The following ZKSCAN5 variants were observed in gnomAD, a reference collection of about 807,000 sequenced individuals.
ZKSCAN5 encodes the protein zinc finger protein with KRAB and SCAN domains 5.
Under a neutral mutation model 60.0 loss-of-function variants are expected in ZKSCAN5, and 28 were observed. The ratio of observed to expected loss-of-function variants is 0.47; its 90% confidence interval spans 0.35 to 0.64. The LOEUF (loss-of-function observed/expected upper bound fraction) is 0.64. ZKSCAN5 is among the 30% of genes least tolerant of loss of function. The pLI is 0.01. For synonymous variants in ZKSCAN5, 361 were observed against 371.2 expected, an observed-to-expected ratio of 0.97 and a Z score of 0.31; for missense variants, 881 against 1,034.6, an observed-to-expected ratio of 0.85 and a Z score of 2.04.
At chr7:99,512,089 C>G (rs896963031) in intron 2 of ZKSCAN5, among the ~76,000 whole-genome samples, 3 of 152,104 alleles carry the variant, frequency 2.0e-5, no homozygotes, top group Non-Finnish European at 4.4e-5. Flanking sequence ...ACCCCGTGCG[C>G]CCAGCCCTTC....
At chr7:99,521,798 A>G (rs116894721) in intron 5 of ZKSCAN5, among the ~76,000 whole-genome samples, 1 of 152,086 alleles carries the variant, frequency 6.6e-6, no homozygotes, top group East Asian at 1.9e-4. Flanking sequence ...TTTTATGATT[A>G]TTGATTTTTC....
chr7:99,525,480 C>A (rs911283695), intron 5 of ZKSCAN5, among the ~76,000 whole-genome samples: 1 of 151,988 alleles, frequency 6.6e-6, no homozygotes, highest in African/African-American at 2.4e-5. Context: ...TCAAAACACA[C>A]ACATACACGC....
chr7:99,507,777 G>T (rs2151093455), intron 2 of ZKSCAN5, among the ~76,000 whole-genome samples: 1 of 151,736 alleles, frequency 6.6e-6, no homozygotes, highest in Non-Finnish European at 1.5e-5. Flanking sequence ...GTGGTGGCAT[G>T]CACTTATACT....
intron 2 of ZKSCAN5, among the ~76,000 whole-genome samples, chr7:99,510,123 G>A (rs753553720): frequency 9.9e-5 from 15 of 151,996 alleles, no homozygotes; most frequent in Non-Finnish European, 1.6e-4. Context: ...TTTTGTAGAT[G>A]AGGTCTTGCC....
At chr7:99,518,512 CA>C (rs1355785056) in intron 3 of ZKSCAN5, among the ~76,000 whole-genome samples, 1 of 151,932 alleles carries the variant, frequency 6.6e-6, no homozygotes, top group Admixed American at 6.6e-5. Flanking sequence ...TCAGAATCTG[CA>C]AGTACCAAGA....
At chr7:99,525,621 T>A (rs544330596) in intron 5 of ZKSCAN5, among the ~76,000 whole-genome samples, 192 bp from the exon 6 acceptor site, 1 of 152,174 alleles carries the variant, frequency 6.6e-6, no homozygotes, top group South Asian at 2.1e-4. Context: ...GAACATTTTT[T>A]GCCAGCTCTT....
In ZKSCAN5 at chr7:99,508,535, T is replaced by G. The variant is rs375508304; in HGVS notation, c.414+2077T>G. Among the ~76,000 whole-genome samples the G allele has an allele frequency of 1.6e-4, 25 of 151,666 alleles. No homozygotes were observed. In the East Asian group the frequency reaches 2.8e-3, roughly 17 times the overall value. The stretch of plus-strand genomic sequence containing the variant: ...TTGGGAGGCTGAGGCGGGTGGATCA[T>G]GGGGTCAGATCAAGACCATCCGGGC... On this transcript the variant is annotated intron_variant, in intron 2 of 6. Transcript: ENST00000326775.
chr7:99,522,937 G>A (rs1801606496), intron 5 of ZKSCAN5, among the ~76,000 whole-genome samples: 1 of 151,276 alleles, frequency 6.6e-6, no homozygotes, highest in African/African-American at 2.4e-5. Context: ...GGCTGAGGTG[G>A]GCAGATCACT....
chr7:99,508,815 C>T (rs926467131), intron 2 of ZKSCAN5, among the ~76,000 whole-genome samples: 2 of 126,748 alleles, frequency 1.6e-5, no homozygotes, highest in African/African-American at 2.9e-5. Flanking sequence ...TTCTTTCTTT[C>T]TTTTTTTTTT....
intron 6 of ZKSCAN5, among the ~76,000 whole-genome samples, chr7:99,529,217 T>A (rs780120760): frequency 6.6e-6 from 1 of 152,206 alleles, no homozygotes; most frequent in Non-Finnish European, 1.5e-5. Context: ...CTCAACTCAC[T>A]GCAGCTTCTG....
Position 99,531,274 on chromosome 7 carries a change from A to T in ZKSCAN5, c.1545A>T (p.Gly515=), listed in dbSNP as rs770695045. The T allele has an allele frequency of 6.2e-6, 10 of 1,614,168 alleles. No homozygotes were observed. The South Asian group carries it at 9.9e-5, about 16-fold the overall frequency. Residue 515 remains glycine (G), a synonymous_variant, in exon 7 of 7, where the codon GGA becomes GGT. Transcript: ENST00000326775. ...EFQGKLDRKQ[G]IPMKEILGQP... ...AAGGCAAGCTGGATAGAAAGCAGGG[A>T]ATTCCCATGAAAGAGATACTAGGAC...
chr7:99,526,210 C>G lies in ZKSCAN5; in HGVS notation c.1170C>G (p.Thr390=), dbSNP rs921349404. ...GKSYNQRVHL[T]QHQRVHTGEK... The stretch of plus-strand genomic sequence containing the variant: ...GCTACAATCAGCGGGTGCACCTCAC[C>G]CAGCACCAGCGCGTCCACACAGGGG... Residue 390 remains threonine, a synonymous_variant, in exon 6 of 7, where the codon ACC becomes ACG. Coordinates refer to ENST00000326775, the MANE Select transcript of ZKSCAN5 (RefSeq NM_145102.4). The G allele has an allele frequency of 6.2e-7, 1 of 1,614,144 alleles. No homozygotes were observed. The highest frequency in any genetic ancestry group is 2.2e-5 in the East Asian group (1 of 44,876).
At chr7:99,525,131 A>G (rs1333910068) in intron 5 of ZKSCAN5, among the ~76,000 whole-genome samples, 1 of 150,398 alleles carries the variant, frequency 6.6e-6, no homozygotes, top group Non-Finnish European at 1.5e-5. Flanking sequence ...GCGCCACTGC[A>G]CTCCAGCCTG....
Position 99,526,261 on chromosome 7 carries a change from C to T in ZKSCAN5, c.1221C>T (p.Cys407=), listed in dbSNP as rs758511690. The T allele has an allele frequency of 6.8e-6, 11 of 1,613,732 alleles. No homozygotes were observed. The Admixed American group carries it at 8.3e-5, about 12-fold the overall frequency. ...AGAAACCCTACAAATGTCAGGTGTG[C>T]GGAAAGGCTTTCCGGGTGAGTTCCC... The part of the protein sequence containing the change: ...TGEKPYKCQV[C]GKAFRVSSHL... Residue 407 remains cysteine, a synonymous_variant, in exon 6 of 7, where the codon TGC becomes TGT. Coordinates refer to ENST00000326775, the MANE Select transcript of ZKSCAN5 (RefSeq NM_145102.4).
chr7:99,533,374 A>C lies in ZKSCAN5; in HGVS notation c.*1125A>C, dbSNP rs1390094375. The C allele has an allele frequency of 1.7e-6, 1 of 589,550 alleles. No individual in the cohort carries two copies. The highest frequency in any genetic ancestry group is 3.1e-6 in the Non-Finnish European group (1 of 321,106). 36.5% of individuals were successfully genotyped at this position (589,550 alleles called of 1,614,324 possible). A position where few individuals can be genotyped will look rare whatever the true frequency, so the allele number is the denominator to read the frequency against. ...CTGAGCCTGTTTGCTAGGGAGAGTG[A>C]GTGAGTGCTCTTGGGCACTGCTCAG... On this transcript the variant is annotated 3_prime_UTR_variant, in exon 7 of 7. Coordinates refer to ENST00000326775, the MANE Select transcript of ZKSCAN5 (RefSeq NM_145102.4).
intron 4 of ZKSCAN5, 55 bp from the exon 5 acceptor site, chr7:99,520,114 T>G: frequency 6.3e-7 from 1 of 1,599,730 alleles, no homozygotes; most frequent in Non-Finnish European, 8.5e-7. Flanking sequence ...GTTCTTCCCC[T>G]CACTCCAAAT....
In ZKSCAN5 at chr7:99,532,609, T is replaced by C. The variant is rs1802103560; in HGVS notation, c.*360T>C. On this transcript the variant is annotated 3_prime_UTR_variant, in exon 7 of 7. Transcript: ENST00000326775. ...TCATGAGTTCAGTAGAAGTAAGCTT[T>C]ATTTGTAGCTTCTGCCTTGTTTGAC... The C allele has an allele frequency of 5.4e-6, 1 of 185,570 alleles. No individual in the cohort carries two copies. Among genetic ancestry groups the C allele is most frequent in the African/African-American group, 2.4e-5 (1 of 42,448 alleles). The allele number at this position is 185,570 out of a possible 1,614,324, so 11.5% of individuals were successfully genotyped here.
chr7:99,524,939 C>T (rs528102083), intron 5 of ZKSCAN5, among the ~76,000 whole-genome samples: 5 of 150,348 alleles, frequency 3.3e-5, no homozygotes, highest in African/African-American at 9.8e-5. Context: ...GAGGCCGAGG[C>T]GGGCAGATCA....
At chr7:99,530,835 T>G (rs1802008753) in intron 6 of ZKSCAN5, among the ~76,000 whole-genome samples, 1 of 152,132 alleles carries the variant, frequency 6.6e-6, no homozygotes, top group Non-Finnish European at 1.5e-5. Flanking sequence ...GGCGGGTGGA[T>G]CACCCAAAGT....
Sources: allele counts gnomAD v4.1 joint callset (sites outside exome capture counted in the v4.1 genomes callset), GRCh38; gene constraint gnomAD v4.1.1; transcripts MANE v1.5; gene names NCBI Gene and HGNC (gene_info 2026-07-23, HGNC 2026-07-21).